The following MALRD1 variants were observed in gnomAD, a reference collection of about 807,000 sequenced individuals.
MALRD1 encodes the protein MAM and LDL receptor class A domain containing 1.
Under a neutral mutation model 242.1 loss-of-function variants are expected in MALRD1, and 247 were observed. The ratio of observed to expected loss-of-function variants is 1.02; its 90% confidence interval spans 0.92 to 1.13. The LOEUF (loss-of-function observed/expected upper bound fraction) is 1.13, where lower values mean the gene tolerates loss of function less well. Among genes scored for constraint, MALRD1 ranks in the 50% most tolerant of loss-of-function variants. The probability of loss-of-function intolerance (pLI) is 0.00; values close to 1 mark genes in which losing one functional copy is unlikely to be tolerated. For missense variants in MALRD1, 2,989 were observed against 2,533.1 expected, an observed-to-expected ratio of 1.18 and a Z score of -3.86; for synonymous variants, 995 against 866.6, an observed-to-expected ratio of 1.15 and a Z score of -2.60.
At chr10:19,471,038 C>G (rs1023929953) in intron 29 of MALRD1, among the ~76,000 whole-genome samples, 11 of 151,600 alleles carry the variant, frequency 7.3e-5, no homozygotes, top group Admixed American at 2.6e-4. Flanking sequence ...GGAAATTTTC[C>G]CCTATCTTTT....
At chr10:19,563,740 C>T (rs1299473426) in intron 32 of MALRD1, among the ~76,000 whole-genome samples, 1 of 152,158 alleles carries the variant, frequency 6.6e-6, no homozygotes, top group Non-Finnish European at 1.5e-5. Flanking sequence ...ATCTGGCCAA[C>T]CTAGATACAT....
intron 32 of MALRD1, among the ~76,000 whole-genome samples, chr10:19,535,187 G>A (rs995150028): frequency 3.3e-5 from 5 of 151,822 alleles, no homozygotes; most frequent in Admixed American, 6.6e-5. Context: ...CCCGACCAAA[G>A]TTTTTTTTTA....
intron 18 of MALRD1, among the ~76,000 whole-genome samples, chr10:19,238,322 T>C (rs1421798727): frequency 1.3e-5 from 1 of 78,316 alleles, no homozygotes; most frequent in Non-Finnish European, 2.2e-5. Context: ...ATATACATAA[T>C]GTATATTATA....
chr10:19,470,949 T>A (rs2131137752), intron 29 of MALRD1, among the ~76,000 whole-genome samples: 1 of 152,068 alleles, frequency 6.6e-6, no homozygotes, highest in East Asian at 1.9e-4. Flanking sequence ...TTTGATGTAG[T>A]CTTACTTGTT....
intron 19 of MALRD1, among the ~76,000 whole-genome samples, chr10:19,263,862 A>C (rs1007349477): frequency 6.6e-6 from 1 of 152,146 alleles, no homozygotes; most frequent in Admixed American, 6.5e-5. Flanking sequence ...TGAAATTGGG[A>C]AGTATGATGC....
At chr10:19,070,214 T>C (rs1835101456) in intron 2 of MALRD1, among the ~76,000 whole-genome samples, 1 of 152,114 alleles carries the variant, frequency 6.6e-6, no homozygotes, top group African/African-American at 2.4e-5. Flanking sequence ...AATAAATCCA[T>C]CATAAATTGA....
At chr10:19,446,865 G>A (rs1294315611) in intron 28 of MALRD1, among the ~76,000 whole-genome samples, 1 of 152,052 alleles carries the variant, frequency 6.6e-6, no homozygotes, top group East Asian at 1.9e-4. Context: ...ATATACAAGG[G>A]AAAAGTCCCT....
chr10:19,575,514 A>AC (rs1836773170), intron 33 of MALRD1, among the ~76,000 whole-genome samples: 1 of 128,202 alleles, frequency 7.8e-6, no homozygotes, highest in African/African-American at 3.1e-5. Context: ...CACACACACA[A>AC]ACACACACTT....
At chr10:19,663,167 C>G (rs1841524659) in intron 36 of MALRD1, among the ~76,000 whole-genome samples, 1 of 152,108 alleles carries the variant, frequency 6.6e-6, no homozygotes, top group South Asian at 2.1e-4. Flanking sequence ...CCATCCCTCA[C>G]CCCTCTTCCA....
intron 29 of MALRD1, among the ~76,000 whole-genome samples, chr10:19,467,742 G>A (rs1272521469): frequency 6.7e-6 from 1 of 149,338 alleles, no homozygotes; most frequent in Non-Finnish European, 1.5e-5. Flanking sequence ...ATGCTAGTAT[G>A]TATTATTTCC....
At chr10:19,382,249 A>G (rs1845867613) in intron 26 of MALRD1, among the ~76,000 whole-genome samples, 2 of 152,154 alleles carry the variant, frequency 1.3e-5, no homozygotes, top group African/African-American at 4.8e-5. Context: ...CTGTAAAAAT[A>G]AATAGAATTT....
chr10:19,492,557 C>T (rs1257063379), intron 30 of MALRD1, among the ~76,000 whole-genome samples: 1 of 152,176 alleles, frequency 6.6e-6, no homozygotes, highest in Non-Finnish European at 1.5e-5. Context: ...GTCTCATCCT[C>T]CAGAGTACTC....
chr10:19,290,840 A>T (rs1001682519), intron 21 of MALRD1, among the ~76,000 whole-genome samples: 1 of 152,114 alleles, frequency 6.6e-6, no homozygotes, highest in African/African-American at 2.4e-5. Context: ...AATACTGTAT[A>T]TTTGCAGGTC....
At chr10:19,127,925 G>T (rs184163958) in intron 7 of MALRD1, among the ~76,000 whole-genome samples, 1 of 152,154 alleles carries the variant, frequency 6.6e-6, no homozygotes, top group East Asian at 1.9e-4. Flanking sequence ...TAATTTGGTG[G>T]TATAGCAATT....
chr10:19,729,646 A>C (rs1835195645), intron 38 of MALRD1, among the ~76,000 whole-genome samples: 1 of 143,502 alleles, frequency 7.0e-6, no homozygotes, highest in East Asian at 2.1e-4. Context: ...TTTTGTTCCT[A>C]CGATGGACAT....
chr10:19,527,061 T>C (rs940637533), intron 31 of MALRD1, among the ~76,000 whole-genome samples: 4 of 152,198 alleles, frequency 2.6e-5, no homozygotes, highest in Admixed American at 6.5e-5. Context: ...TATTACTGTT[T>C]CCATCTGTGT....
intron 18 of MALRD1, among the ~76,000 whole-genome samples, chr10:19,226,522 T>C (rs904903775): frequency 1.3e-5 from 2 of 152,082 alleles, no homozygotes; most frequent in South Asian, 2.1e-4. Context: ...TTAATACTTA[T>C]GAGATGATAA....
intron 36 of MALRD1, among the ~76,000 whole-genome samples, chr10:19,625,813 A>G (rs930013137): frequency 6.6e-6 from 1 of 152,166 alleles, no homozygotes; most frequent in African/African-American, 2.4e-5. Flanking sequence ...CCAATTGCAT[A>G]TTTAACATCA....
chr10:19,691,902 A>G (rs570947669), intron 36 of MALRD1, among the ~76,000 whole-genome samples: 1 of 152,238 alleles, frequency 6.6e-6, no homozygotes, highest in East Asian at 1.9e-4. Context: ...GTTTTCTGAA[A>G]TGACTTGAAT....
Sources: gnomAD v4.1 joint callset for allele counts (sites outside exome capture counted in the v4.1 genomes callset) on GRCh38, gnomAD v4.1.1 for gene constraint, MANE v1.5 for transcripts, NCBI Gene and HGNC (gene_info 2026-07-23, HGNC 2026-07-21) for gene names.